PXDNL: variants seen among roughly 807,000 people sequenced by gnomAD.
PXDNL encodes the protein probable oxidoreductase PXDNL.
A neutral mutation model predicts 150.8 loss-of-function variants in PXDNL; 145 were observed. The ratio of observed to expected loss-of-function variants is 0.96; its 90% CI spans 0.84 to 1.10. PXDNL has a LOEUF of 1.10. Among genes scored for constraint, PXDNL ranks in the 50% least tolerant of loss-of-function variants. PXDNL has a pLI of 0.00. For synonymous variants in PXDNL, 757 were observed against 725.7 expected (o/e 1.04, Z -0.69); for missense variants, 2,087 against 1,873.9 (o/e 1.11, Z -2.10).
At chr8:51,801,451 TG>T (rs142749585) in intron 1 of PXDNL, among the ~76,000 whole-genome samples, 17,844 of 152,124 alleles carry the variant, frequency 0.12, 1,278 homozygotes, top group East Asian at 0.16. Context: ...ACCAACTCCA[TG>T]TTCATACACC....
intron 19 of PXDNL, among the ~76,000 whole-genome samples, chr8:51,358,327 G>C (rs545829528): frequency 2.6e-5 from 4 of 152,152 alleles, no homozygotes; most frequent in Admixed American, 2.0e-4. Context: ...TTTTACTTAC[G>C]ATAATCCTGA....
At chr8:51,560,446 A>G (rs1258630151) in intron 3 of PXDNL, among the ~76,000 whole-genome samples, 1 of 152,036 alleles carries the variant, frequency 6.6e-6, no homozygotes, top group African/African-American at 2.4e-5. Flanking sequence ...TCAAAACAGC[A>G]TGGTACTGGC....
intron 4 of PXDNL, among the ~76,000 whole-genome samples, chr8:51,516,227 A>G (rs80152276): frequency 0.019 from 2,885 of 152,328 alleles, 83 homozygotes; most frequent in African/African-American, 0.065. Context: ...GAAACATGTT[A>G]TATTTCTTCT....
intron 4 of PXDNL, among the ~76,000 whole-genome samples, chr8:51,552,232 G>A (rs961140446): frequency 1.5e-4 from 23 of 152,138 alleles, no homozygotes; most frequent in African/African-American, 5.6e-4. Flanking sequence ...CAATGCTGGT[G>A]GGGCAACCAC....
chr8:51,769,489 A>T (rs1466267385), intron 1 of PXDNL, among the ~76,000 whole-genome samples: 1 of 152,178 alleles, frequency 6.6e-6, no homozygotes, highest in Non-Finnish European at 1.5e-5. Flanking sequence ...AGTAGACTTT[A>T]TTCTGGTTCA....
intron 1 of PXDNL, among the ~76,000 whole-genome samples, chr8:51,759,216 A>G (rs2037135897): frequency 6.6e-6 from 1 of 151,998 alleles, no homozygotes; most frequent in Non-Finnish European, 1.5e-5. Flanking sequence ...GCTCTAGCCA[A>G]CCTCACTGCC....
At chr8:51,706,038 C>CAGTGGCCCT (rs1816371770) in intron 1 of PXDNL, among the ~76,000 whole-genome samples, 1 of 152,198 alleles carries the variant, frequency 6.6e-6, no homozygotes, top group Non-Finnish European at 1.5e-5. Context: ...TGGCGGGGTG[C>CAGTGGCCCT]AGTGGCTCAT....
chr8:51,487,814 A>T (rs139641528), intron 5 of PXDNL, among the ~76,000 whole-genome samples: 1 of 152,308 alleles, frequency 6.6e-6, no homozygotes, highest in East Asian at 1.9e-4. Context: ...TCATGACTTC[A>T]TTGAAAAGAA....
At position 51,472,309 on chromosome 8, in the gene PXDNL, A is replaced by G. The variant is rs770082882; in HGVS notation, c.695-5T>C. Reference sequence around the variant, plus strand: ...CAAAAGTAATTCGGGGGCTCTCTGCAACAAAAGAATTATTGATGTATTTTT... The same window carrying G: ...CAAAAGTAATTCGGGGGCTCTCTGCGACAAAAGAATTATTGATGTATTTTT... On this transcript the variant is annotated splice_region_variant and splice_polypyrimidine_tract_variant and intron_variant, in intron 7 of 22. Transcript: ENST00000356297. The G allele has an allele frequency of 2.5e-6, 4 of 1,604,912 alleles. No individual in the cohort carries two copies. The highest frequency in any genetic ancestry group is 1.3e-5 in the African/African-American group (1 of 74,700).
Position 51,805,314 on chromosome 8 carries a change from C to CAT in PXDNL, c.164+3865_164+3866dup, listed in dbSNP as rs1330655929. On this transcript the variant is annotated intron_variant, in intron 1 of 22. Coordinates refer to ENST00000356297, the MANE Select transcript of PXDNL (RefSeq NM_144651.5). Reference sequence around the variant, plus strand: ...CCTATTAAGTTGTATTTTATATATACATATATATATTTTAAATTATACAAT... The same window carrying CAT: ...CCTATTAAGTTGTATTTTATATATACATATATATATATTTTAAATTATACAAT... 4.0e-5 allele frequency among the ~76,000 whole-genome samples: 6 copies of CAT among 148,922 alleles called. No individual in the cohort carries two copies. In the East Asian group the frequency reaches 5.8e-4, roughly 14 times the overall value.
Position 51,658,344 on chromosome 8 carries a change from G to GA in PXDNL, c.165-3585dup, listed in dbSNP as rs34771782. 5.1e-3 allele frequency among the ~76,000 whole-genome samples: 481 copies of GA among 94,216 alleles called. 4 individuals carry two copies. Among genetic ancestry groups the GA allele is most frequent in the African/African-American group, 7.8e-3 (189 of 24,244 alleles). 61.8% of individuals were successfully genotyped at this position (94,216 alleles called of 152,430 possible). ...GCCACAGAGTAAGACCCTGTCTCAA[G>GA]AAAAAAAAAAAAAAAAAGAAAAGAA... On this transcript the variant is annotated intron_variant, in intron 1 of 22. Coordinates refer to ENST00000356297, the MANE Select transcript of PXDNL (RefSeq NM_144651.5).
chr8:51,628,875 C>A (rs1291095780), intron 2 of PXDNL, among the ~76,000 whole-genome samples: 1 of 151,368 alleles, frequency 6.6e-6, no homozygotes, highest in East Asian at 1.9e-4. Context: ...AGCTACAGAC[C>A]ATAGCAAACA....
chr8:51,674,630 G>T (rs1011138833), intron 1 of PXDNL, among the ~76,000 whole-genome samples: 7 of 152,184 alleles, frequency 4.6e-5, no homozygotes, highest in African/African-American at 1.7e-4. Flanking sequence ...AGTGGCATTG[G>T]TGTGGCTATT....
Position 51,607,854 on chromosome 8 carries a change from G to GAGGAAGGAAGGAAGGAAGGAAGGAAGGA in PXDNL, c.237-15184_237-15157dup, listed in dbSNP as rs143544585. On this transcript the variant is annotated intron_variant, in intron 2 of 22. Transcript: ENST00000356297. ...GACTCCATCTCAAAAAAAAGGAAGA[G>GAGGAAGGAAGGAAGGAAGGAAGGAAGGA]AGGAAGGAAGGAAGGAAGGAAGGAA... Among the ~76,000 whole-genome samples, 142 of 72,602 alleles carry GAGGAAGGAAGGAAGGAAGGAAGGAAGGA rather than the reference G, an allele frequency of 2.0e-3. 2 individuals carry two copies. The highest frequency in any genetic ancestry group is 8.6e-3 in the African/African-American group (127 of 14,824). The allele number at this position is 72,602 out of a possible 152,430, so 47.6% of individuals were successfully genotyped here.
chr8:51,689,880 C>T (rs1167184843), intron 1 of PXDNL, among the ~76,000 whole-genome samples: 2 of 152,210 alleles, frequency 1.3e-5, no homozygotes, highest in African/African-American at 4.8e-5. Context: ...TAAATACGAG[C>T]CTTCGGCACA....
rs145857441 is a variant in PXDNL at position 51,346,088 on chromosome 8, G to A, written c.3902-141C>T. ...AGCGAGAGTGAGAGAGACTCATTTA[G>A]TCCGTTCCATTTTGCTGGGTGACCA... On this transcript the variant is annotated intron_variant, in intron 19 of 22. Transcript: ENST00000356297. 6.0e-4 allele frequency: 333 copies of A among 555,576 alleles called. 2 individuals are homozygous for A. In the East Asian group the frequency reaches 9.8e-3, roughly 16 times the overall value. 34.4% of individuals were successfully genotyped at this position (555,576 alleles called of 1,614,324 possible).
At chr8:51,504,826 T>C (rs1811252543) in intron 4 of PXDNL, among the ~76,000 whole-genome samples, 1 of 152,254 alleles carries the variant, frequency 6.6e-6, no homozygotes, top group African/African-American at 2.4e-5. Flanking sequence ...GGATAAGACA[T>C]TGAACTTTTC....
chr8:51,788,574 C>T (rs1184407840), intron 1 of PXDNL, among the ~76,000 whole-genome samples: 1 of 152,184 alleles, frequency 6.6e-6, no homozygotes, highest in African/African-American at 2.4e-5. Context: ...AGACTTCAGA[C>T]ATCTTTGTAG....
At chr8:51,357,001 C>A (rs1806530137) in intron 19 of PXDNL, among the ~76,000 whole-genome samples, 1 of 152,128 alleles carries the variant, frequency 6.6e-6, no homozygotes, top group South Asian at 2.1e-4. Context: ...CCCCAAACCA[C>A]CCTACTGTTT....
Sources: gnomAD v4.1 joint callset for allele counts (sites outside exome capture counted in the v4.1 genomes callset) on GRCh38, gnomAD v4.1.1 for gene constraint, MANE v1.5 for transcripts, NCBI Gene and HGNC (gene_info 2026-07-23, HGNC 2026-07-21) for gene names.